The following GABRQ variants were observed in gnomAD, a reference collection of about 807,000 sequenced individuals.
GABRQ encodes gamma-aminobutyric acid receptor subunit theta.
A neutral mutation model predicts 30.5 loss-of-function variants in GABRQ; 19 were observed. That is an observed-to-expected ratio of 0.62 (90% CI 0.43 to 0.91). The LOEUF (loss-of-function observed/expected upper bound fraction) is 0.91, where lower values mean the gene tolerates loss of function less well. Among genes scored for constraint, GABRQ ranks in the 40% least tolerant of loss-of-function variants. The pLI is 0.00. For missense variants in GABRQ, 520 were observed against 521.4 expected, an observed-to-expected ratio of 1.00 and a Z score of 0.03; for synonymous variants, 187 against 210.2, an observed-to-expected ratio of 0.89 and a Z score of 0.95.
chrX:152,653,413 T>G lies in GABRQ; in HGVS notation c.*132T>G, dbSNP rs1556820741. 2.1e-6 allele frequency: 1 copy of G among 482,589 alleles called. No homozygotes were observed. The highest frequency in any genetic ancestry group is 3.5e-6 in the Non-Finnish European group (1 of 285,719). The allele number at this position is 482,589 out of a possible 1,213,427, so 39.8% of individuals were successfully genotyped here. ...GGGCAATCCAATAAGTTCATACTTC[T>G]CTTTATAAACATGAGGTGGGGAGTA... On this transcript the variant is annotated 3_prime_UTR_variant, in exon 9 of 9. Coordinates refer to ENST00000598523, the MANE Select transcript of GABRQ (RefSeq NM_018558.4).
In GABRQ at chrX:152,638,308, T is replaced by A; in HGVS notation, c.106T>A (p.Phe36Ile). The change falls in exon 1 of 9, where the codon TTC becomes ATC. Residue 36 changes from phenylalanine (F) to isoleucine (I), a missense_variant. Physicochemically the swap from Phe to Ile is conservative, Grantham distance 21. Coordinates refer to ENST00000598523, the MANE Select transcript of GABRQ (RefSeq NM_018558.4). ...TCCCATCCCGAAATTCCACTTCGAGTTCTCCTCTGCTGTGCCCGAAGTCGT... is the reference window on the plus strand; with the variant it reads ...TCCCATCCCGAAATTCCACTTCGAGATCTCCTCTGCTGTGCCCGAAGTCGT... ...PSPIPKFHFE[F>I]SSAVPEVVLN... The A allele has an allele frequency of 8.3e-7, 1 of 1,211,194 alleles. No homozygotes were observed. Among genetic ancestry groups the A allele is most frequent in the Non-Finnish European group, 1.1e-6 (1 of 894,772 alleles).
intron 6 of GABRQ, 124 bp from the exon 7 acceptor site, chrX:152,650,304 C>T: frequency 3.4e-6 from 2 of 579,923 alleles, no homozygotes; most frequent in Non-Finnish European, 5.7e-6. Context: ...AGCTGGATGC[C>T]TCTGGATGGA....
intron 4 of GABRQ, among the ~76,000 whole-genome samples, chrX:152,647,451 G>A: frequency 9.0e-6 from 1 of 111,565 alleles, no homozygotes; most frequent in Non-Finnish European, 1.9e-5. Flanking sequence ...TGCCCACCCT[G>A]AAATCCCTAA....
At chrX:152,640,685 C>G (rs1556818289) in intron 2 of GABRQ, among the ~76,000 whole-genome samples, 1 of 111,591 alleles carries the variant, frequency 9.0e-6, no homozygotes, top group African/African-American at 3.3e-5. Context: ...TTCAGATGCA[C>G]GAGAGCCTTC....
Position 152,649,307 on chromosome X carries a change from A to AG in GABRQ, c.586dup (p.Ala196GlyfsTer14). 2 of 1,174,790 alleles carry AG rather than the reference A, an allele frequency of 1.7e-6. No individual in the cohort carries two copies. The highest frequency in any genetic ancestry group is 2.3e-6 in the Non-Finnish European group (2 of 861,541). ...CTGCATAAATTCCCTATGGACAAGC[A>AG]GGCCTGCAACCTGGTGGTAGAGAGC... On this transcript the variant is annotated frameshift_variant, in exon 5 of 9. Transcript: ENST00000598523. LOFTEE classifies it high-confidence loss of function.
chrX:152,651,897 C>G (rs782798834), intron 8 of GABRQ, 115 bp downstream of exon 8: 1 of 639,808 alleles, frequency 1.6e-6, no homozygotes, highest in Non-Finnish European at 2.4e-6. Context: ...CACACATGCG[C>G]GCACACGCAA....
Position 152,647,124 on chromosome X carries a change from CGT to C in GABRQ, c.486_487del (p.Phe163SerfsTer26), listed in dbSNP as rs1556819349. ...TGCATGATGTGACTGTGGAGAATCG[CGT>C]GTTTCAGCTTCACCCAGATGGAACG... Reference protein sequence around the residue: ...FVHDVTVENRVFQLHPDGTVR... With the variant: ...FVHDVTVENRXFQLHPDGTVR... On this transcript the variant is annotated frameshift_variant, in exon 4 of 9. Transcript: ENST00000598523. LOFTEE classifies it high-confidence loss of function. 3 of 1,210,392 alleles carry C rather than the reference CGT, an allele frequency of 2.5e-6. No homozygotes were observed. Among genetic ancestry groups the C allele is most frequent in the Non-Finnish European group, 3.4e-6 (3 of 894,243 alleles).
intron 1 of GABRQ, among the ~76,000 whole-genome samples, chrX:152,638,960 T>A (rs1466135263): frequency 3.6e-5 from 4 of 111,474 alleles, no homozygotes; most frequent in Non-Finnish European, 5.6e-5. Flanking sequence ...GGTGTGCTTT[T>A]GTACTTAGTC....
In GABRQ at chrX:152,638,246, T is replaced by C. The variant is rs782786881; in HGVS notation, c.44T>C (p.Leu15Pro). Residue 15 changes from leucine (L) to proline (P), a missense_variant, in exon 1 of 9, where the codon CTC becomes CCC. Transcript: ENST00000598523. ...GMLRAAVILLLIRTWLAEGNY... is the reference protein window; with the variant it reads ...GMLRAAVILLPIRTWLAEGNY... ...CTGCGAGCCGCAGTGATCCTGCTGC[T>C]CATCAGGACCTGGCTCGCGGAGGGC... The C allele has an allele frequency of 3.3e-6, 4 of 1,210,288 alleles. No individual in the cohort carries two copies. In the Admixed American group the frequency reaches 8.7e-5, roughly 26 times the overall value.
Position 152,656,376 on chromosome X carries a change from C to A in GABRQ, c.*3095C>A, listed in dbSNP as rs1477824947. ...ATGCAACAACCCCTATTTTACTCTT[C>A]TACCCACCTTCCATTTCTTTCCTTC... is the stretch of plus-strand genomic sequence containing the variant. On this transcript the variant is annotated 3_prime_UTR_variant, in exon 9 of 9. Coordinates refer to ENST00000598523, the MANE Select transcript of GABRQ (RefSeq NM_018558.4). 1 of 111,839 alleles carries A rather than the reference C, an allele frequency of 8.9e-6. No individual in the cohort carries two copies. The highest frequency in any genetic ancestry group is 3.3e-5 in the African/African-American group (1 of 30,665). The allele number at this position is 111,839 out of a possible 1,213,427, so 9.2% of individuals were successfully genotyped here.
intron 2 of GABRQ, among the ~76,000 whole-genome samples, chrX:152,643,945 T>G (rs1005596639): frequency 1.1e-3 from 123 of 111,233 alleles, no homozygotes; most frequent in African/African-American, 3.5e-3. Context: ...ACATGCAAAT[T>G]TATTCACTTT....
intron 2 of GABRQ, among the ~76,000 whole-genome samples, chrX:152,644,067 TACAC>T (rs1186170713): frequency 9.0e-6 from 1 of 111,055 alleles, no homozygotes; most frequent in Non-Finnish European, 1.9e-5. Context: ...ACACATTTAC[TACAC>T]ACGTTATATA....
intron 4 of GABRQ, 47 bp downstream of exon 4, chrX:152,647,215 C>T (rs1556819379): frequency 2.1e-6 from 2 of 932,002 alleles, no homozygotes; most frequent in East Asian, 3.1e-5. Flanking sequence ...CTTCCTTCTT[C>T]CTACTGAATA....
At chrX:152,642,806 T>C (rs1258893599) in intron 2 of GABRQ, among the ~76,000 whole-genome samples, 1 of 111,553 alleles carries the variant, frequency 9.0e-6, no homozygotes, top group East Asian at 2.8e-4. Context: ...TCTCATCCCC[T>C]CCCCACCCCC....
intron 1 of GABRQ, among the ~76,000 whole-genome samples, 198 bp downstream of exon 1, chrX:152,638,549 A>G (rs1556817795): frequency 9.0e-6 from 1 of 111,448 alleles, no homozygotes; most frequent in African/African-American, 3.3e-5. Flanking sequence ...GTTGAAATGG[A>G]GCCCTGTGCT....
Position 152,656,763 on chromosome X carries a change from A to T in GABRQ, c.*3482A>T, listed in dbSNP as rs1556821202. 3 of 112,449 alleles carry T rather than the reference A, an allele frequency of 2.7e-5. No homozygotes were observed. Among genetic ancestry groups the T allele is most frequent in the African/African-American group, 9.7e-5 (3 of 30,920 alleles). 9.3% of individuals were successfully genotyped at this position (112,449 alleles called of 1,213,427 possible). A position where few individuals can be genotyped will look rare whatever the true frequency, so the allele number is the denominator to read the frequency against. Reference sequence around the variant, plus strand: ...AAGCCATTAACTAATGAATGCATTTATTAAGCTATCCACTCGCATGGTACC... The same window carrying T: ...AAGCCATTAACTAATGAATGCATTTTTTAAGCTATCCACTCGCATGGTACC... On this transcript the variant is annotated 3_prime_UTR_variant, in exon 9 of 9. Transcript: ENST00000598523.
downstream of GABRQ, among the ~76,000 whole-genome samples, chrX:152,658,885 T>C (rs1931198329): frequency 9.0e-6 from 1 of 111,640 alleles, no homozygotes; most frequent in African/African-American, 3.3e-5. Flanking sequence ...CATGGAGAAG[T>C]ATGTAAATCC....
rs781813117 is a variant in GABRQ at position 152,647,038 on chromosome X, C to T, written c.397C>T (p.Arg133Trp). The change falls in exon 4 of 9, where the codon CGG becomes TGG. Residue 133 changes from arginine to tryptophan, a missense_variant. Coordinates refer to ENST00000598523, the MANE Select transcript of GABRQ (RefSeq NM_018558.4). Reference sequence around the variant, plus strand: ...CACCCTGAACTTGACCCTGGACTATCGGATGCATGAGAAGTTGTGGGTCCC... The same window carrying T: ...CACCCTGAACTTGACCCTGGACTATTGGATGCATGAGAAGTTGTGGGTCCC... The part of the protein sequence containing the change: ...ETTLNLTLDY[R>W]MHEKLWVPDC... 13 of 1,201,437 alleles carry T rather than the reference C, an allele frequency of 1.1e-5. No individual in the cohort carries two copies. The highest frequency in any genetic ancestry group is 2.2e-5 in the Admixed American group (1 of 45,766).
In GABRQ at chrX:152,652,630, T is replaced by A. The variant is rs781920686; in HGVS notation, c.1248T>A (p.Ser416=). Residue 416 remains serine, a synonymous_variant, in exon 9 of 9, where the codon TCT becomes TCA. Transcript: ENST00000598523. ...APLASPESLG[S]LTSTSEQAQL... ...TGGCAAGCCCGGAAAGCCTCGGTTC[T>A]TTGACGTCCACCTCCGAGCAGGCCC... 1.7e-6 allele frequency: 2 copies of A among 1,211,839 alleles called. No homozygotes were observed. Among genetic ancestry groups the A allele is most frequent in the Admixed American group, 4.3e-5 (2 of 46,128 alleles).
Sources: gnomAD v4.1 joint callset for allele counts (sites outside exome capture counted in the v4.1 genomes callset) on GRCh38, gnomAD v4.1.1 for gene constraint, MANE v1.5 for transcripts, NCBI Gene and HGNC (gene_info 2026-07-23, HGNC 2026-07-21) for gene names.